GANC: variants seen among roughly 807,000 people sequenced by gnomAD.
The protein encoded by GANC is neutral alpha-glucosidase C.
Under a neutral mutation model 124.2 loss-of-function variants are expected in GANC, and 117 were observed. The ratio of observed to expected loss-of-function variants is 0.94; its 90% confidence interval spans 0.81 to 1.10. The LOEUF (loss-of-function observed/expected upper bound fraction) is 1.10, where lower values mean the gene tolerates loss of function less well. Ranked by LOEUF, GANC falls within the 50% of genes least tolerant of loss-of-function variation. The pLI is 0.00. For missense variants in GANC, 1,140 were observed against 1,095.0 expected, an observed-to-expected ratio of 1.04 and a Z score of -0.58; for synonymous variants, 377 against 376.8, an observed-to-expected ratio of 1.00 and a Z score of -0.01.
intron 22 of GANC, among the ~76,000 whole-genome samples, chr15:42,349,735 C>A (rs959010874): frequency 6.6e-6 from 1 of 152,034 alleles, no homozygotes; most frequent in Non-Finnish European, 1.5e-5. Flanking sequence ...GCAACCTCCA[C>A]CTCCTGGGTT....
intron 10 of GANC, among the ~76,000 whole-genome samples, 178 bp downstream of exon 10, chr15:42,311,024 A>G (rs570870383): frequency 2.0e-5 from 3 of 152,354 alleles, no homozygotes; most frequent in Admixed American, 2.0e-4. Flanking sequence ...AAAACATTGC[A>G]CTGGGTCTAG....
intron 1 of GANC, among the ~76,000 whole-genome samples, chr15:42,275,574 C>T (rs947236870): frequency 1.3e-4 from 4 of 29,768 alleles, no homozygotes; most frequent in Non-Finnish European, 2.5e-4. Flanking sequence ...GCATGAAAGC[C>T]GGTGTAATTT....
chr15:42,279,300 T>C (rs1401316650), intron 3 of GANC, among the ~76,000 whole-genome samples: 2 of 152,176 alleles, frequency 1.3e-5, no homozygotes, highest in Non-Finnish European at 2.9e-5. Flanking sequence ...TTTCTAACAC[T>C]GTTACACAAT....
chr15:42,299,815 C>T (rs140241443), intron 6 of GANC, among the ~76,000 whole-genome samples: 1 of 152,152 alleles, frequency 6.6e-6, no homozygotes, highest in African/African-American at 2.4e-5. Context: ...CACCACACAT[C>T]TACAACCATC....
chr15:42,348,040 A>T, intron 20 of GANC, 63 bp from the exon 21 acceptor site: 1 of 928,090 alleles, frequency 1.1e-6, no homozygotes, highest in Non-Finnish European at 1.6e-6. Context: ...AAATATTTTT[A>T]AATTCTACCT....
rs761949022 is a variant in GANC at position 42,339,779 on chromosome 15, C to G, written c.1954C>G (p.Arg652Gly). 51 of 1,614,114 alleles carry G rather than the reference C, an allele frequency of 3.2e-5. No homozygotes were observed. Among genetic ancestry groups the G allele is most frequent in the Non-Finnish European group, 4.3e-5 (51 of 1,180,022 alleles). The change falls in exon 17 of 24, where the codon CGA (arginine) becomes GGA (glycine). Residue 652 changes from arginine to glycine, a missense_variant. Physicochemically the swap from Arg to Gly is moderately radical, Grantham distance 125. Coordinates refer to ENST00000318010, the MANE Select transcript of GANC (RefSeq NM_198141.3). ...TGGCCATGCCACCATGAACACCAAGCGACGAGAGCCCTGGCTCTTTGGGGA... is the reference window on the plus strand; with the variant it reads ...TGGCCATGCCACCATGAACACCAAGGGACGAGAGCCCTGGCTCTTTGGGGA... Reference protein sequence around the residue: ...FRGHATMNTKRREPWLFGEEH... With the variant: ...FRGHATMNTKGREPWLFGEEH...
rs771826739 is a variant in GANC at position 42,292,935 on chromosome 15, T to C, written c.512+18T>C. On this transcript the variant is annotated intron_variant, in intron 5 of 23. Coordinates refer to ENST00000318010, the MANE Select transcript of GANC (RefSeq NM_198141.3). ...AAACAAAGGTATTCTTATGCATTAC[T>C]TGACACATAAAGACCTTAACATAAC... 6.2e-7 allele frequency: 1 copy of C among 1,609,128 alleles called. No homozygotes were observed. Among genetic ancestry groups the C allele is most frequent in the East Asian group, 2.2e-5 (1 of 44,800 alleles).
At chr15:42,279,582 G>A (rs143487442) in intron 3 of GANC, among the ~76,000 whole-genome samples, 56 of 152,298 alleles carry the variant, frequency 3.7e-4, no homozygotes, top group African/African-American at 1.3e-3. Context: ...GAAGCACTAT[G>A]GGCTGTGCTA....
rs2052358288 is a variant in GANC, at chr15:42,345,757, G to A, written c.2230-1G>A. ...TTTTACTGGACTCTGTTACTTTCTAGGTCTGGTATGACTATAAGACATTTG... is the reference window on the plus strand; with the variant it reads ...TTTTACTGGACTCTGTTACTTTCTAAGTCTGGTATGACTATAAGACATTTG... On this transcript the variant is annotated splice_acceptor_variant, in intron 19 of 23. Coordinates refer to ENST00000318010, the MANE Select transcript of GANC (RefSeq NM_198141.3). LOFTEE classifies it high-confidence loss of function. The A allele has an allele frequency of 1.9e-6, 3 of 1,603,354 alleles. No homozygotes were observed. The highest frequency in any genetic ancestry group is 2.6e-6 in the Non-Finnish European group (3 of 1,171,320).
At chr15:42,326,271 G>T in intron 11 of GANC, 27 bp from the exon 12 acceptor site, 1 of 1,512,154 alleles carries the variant, frequency 6.6e-7, no homozygotes, top group South Asian at 1.1e-5. Flanking sequence ...AAACTGATGA[G>T]ACCTCCAAAC....
At chr15:42,323,875 A>T (rs1659218) in intron 11 of GANC, among the ~76,000 whole-genome samples, 122,643 of 152,026 alleles carry the variant, frequency 0.81, 52,088 homozygotes, top group Non-Finnish European at 0.95. Context: ...GAAGAGGGCA[A>T]TGCAGCCAGA....
At position 42,353,127 on chromosome 15, in the gene GANC, A is replaced by C; in HGVS notation, c.*988A>C. 1 of 985,804 alleles carries C rather than the reference A, an allele frequency of 1.0e-6. No homozygotes were observed. Among genetic ancestry groups the C allele is most frequent in the Non-Finnish European group, 1.2e-6 (1 of 829,904 alleles). The allele number at this position is 985,804 out of a possible 1,614,324, so 61.1% of individuals were successfully genotyped here. A position where few individuals can be genotyped will look rare whatever the true frequency, so the allele number is the denominator to read the frequency against. ...GCTCTAATATGGCTTGGCATGGGGC[A>C]GAACATTACAACATACCAGTCGTGT... On this transcript the variant is annotated 3_prime_UTR_variant, in exon 24 of 24. Coordinates refer to ENST00000318010, the MANE Select transcript of GANC (RefSeq NM_198141.3).
intron 10 of GANC, among the ~76,000 whole-genome samples, chr15:42,318,533 A>G (rs1284311376): frequency 6.6e-6 from 1 of 152,202 alleles, no homozygotes; most frequent in Non-Finnish European, 1.5e-5. Context: ...CTTTATCACT[A>G]ACATTCCAAA....
chr15:42,335,417 C>A (rs116400564), intron 15 of GANC, among the ~76,000 whole-genome samples: 2 of 152,018 alleles, frequency 1.3e-5, no homozygotes, highest in Non-Finnish European at 2.9e-5. Flanking sequence ...ATTCAGCATC[C>A]CTTCTTGTTA....
chr15:42,349,221 G>A (rs867751200), intron 21 of GANC, among the ~76,000 whole-genome samples, 162 bp from the exon 22 acceptor site: 1 of 152,156 alleles, frequency 6.6e-6, no homozygotes, highest in Non-Finnish European at 1.5e-5. Context: ...TATCTACTCA[G>A]GAGTGATTGG....
intron 3 of GANC, chr15:42,280,924 G>T (rs2051726367): frequency 2.8e-6 from 2 of 702,200 alleles, no homozygotes; most frequent in Non-Finnish European, 2.6e-6. Context: ...CAGGTCAGGT[G>T]CCAGGACCAG....
chr15:42,316,097 A>G (rs560805464), intron 10 of GANC, among the ~76,000 whole-genome samples: 13 of 152,246 alleles, frequency 8.5e-5, no homozygotes, highest in African/African-American at 2.9e-4. Context: ...ACACCCAGCA[A>G]TTCTACTCCT....
rs368982929 is a variant in GANC at position 42,352,435 on chromosome 15, G to A, written c.*296G>A. 1.6e-5 allele frequency: 18 copies of A among 1,115,776 alleles called. No individual in the cohort carries two copies. In the Admixed American group the frequency reaches 2.6e-4, roughly 16 times the overall value. 69.1% of individuals were successfully genotyped at this position (1,115,776 alleles called of 1,614,324 possible). A position where few individuals can be genotyped will look rare whatever the true frequency, so the allele number is the denominator to read the frequency against. On this transcript the variant is annotated 3_prime_UTR_variant, in exon 24 of 24. Transcript: ENST00000318010. ...TTCTATTGCTTCCATTCCTTCAGCA[G>A]GGCTGCGTGGGTCTGTTTTAACGTG...
chr15:42,290,678 C>A (rs2051832740), intron 4 of GANC, among the ~76,000 whole-genome samples: 1 of 152,116 alleles, frequency 6.6e-6, no homozygotes, highest in African/African-American at 2.4e-5. Flanking sequence ...CATGGTAGCA[C>A]ACACCTGTTG....
Sources: allele counts gnomAD v4.1 joint callset (sites outside exome capture counted in the v4.1 genomes callset), GRCh38; gene constraint gnomAD v4.1.1; transcripts MANE v1.5; gene names NCBI Gene and HGNC (gene_info 2026-07-23, HGNC 2026-07-21).